Variants in RIBC2 observed in about 807,000 individuals in gnomAD.
RIBC2 encodes the protein RIB43A-like with coiled-coils protein 2.
In RIBC2, 40 loss-of-function variants were observed where a neutral mutation model predicts 44.3. That is an observed-to-expected ratio of 0.90 (90% CI 0.70 to 1.18). RIBC2 has a LOEUF of 1.18. Among genes scored for constraint, RIBC2 ranks in the 50% most tolerant of loss-of-function variants. RIBC2 has a pLI of 0.00. For missense variants in RIBC2, 459 were observed against 485.5 expected, an observed-to-expected ratio of 0.95 and a Z score of 0.51; for synonymous variants, 171 against 175.0, an observed-to-expected ratio of 0.98 and a Z score of 0.18.
rs767452541 is a variant in RIBC2, at chr22:45,426,131, G to GAGCAGATCCGCCTAGTCCAGAAGC, written c.864_887dup (p.Arg290_Ile297dup). On this transcript the variant is annotated inframe_insertion, in exon 5 of 7. Coordinates refer to ENST00000614167, the MANE Select transcript of RIBC2 (RefSeq NM_015653.5). ...GAAGGGCATGACCCAGGAGCAGCTG[G>GAGCAGATCCGCCTAGTCCAGAAGC]AGCAGATCCGCCTAGTCCAGAAGCA... 2 of 1,613,822 alleles carry GAGCAGATCCGCCTAGTCCAGAAGC rather than the reference G, an allele frequency of 1.2e-6. No individual in the cohort carries two copies. The highest frequency in any genetic ancestry group is 1.7e-6 in the Non-Finnish European group (2 of 1,180,034).
At chr22:45,420,148 C>G (rs1363863184) in intron 3 of RIBC2, among the ~76,000 whole-genome samples, 1 of 152,190 alleles carries the variant, frequency 6.6e-6, no homozygotes, top group African/African-American at 2.4e-5. Context: ...ACAGTCTGGC[C>G]TTATCTCCTG....
rs2087529449 is a variant in RIBC2 at position 45,425,961 on chromosome 22, T to C, written c.689T>C (p.Val230Ala). The C allele has an allele frequency of 1.2e-6, 2 of 1,613,124 alleles. No individual in the cohort carries two copies. The highest frequency in any genetic ancestry group is 1.7e-6 in the Non-Finnish European group (2 of 1,179,722). Residue 230 changes from valine to alanine, a missense_variant, in exon 5 of 7, where the codon GTG (valine) becomes GCG (alanine). Transcript: ENST00000614167. ...TCACCTGCTTAGGCCATCGAGTCAG[T>C]GGAAAGGAAAAAGCAAGAGAAAAAG... ...DFNKSQAIESVERKKQEKKQE... is the reference protein window; with the variant it reads ...DFNKSQAIESAERKKQEKKQE...
intron 4 of RIBC2, among the ~76,000 whole-genome samples, chr22:45,424,634 C>G (rs551582484): frequency 6.6e-6 from 1 of 152,296 alleles, no homozygotes; most frequent in East Asian, 1.9e-4. Context: ...GAGCCCAGGT[C>G]CTGGGATGGA....
chr22:45,416,997 G>A (rs375009110), intron 2 of RIBC2, among the ~76,000 whole-genome samples: 1 of 150,936 alleles, frequency 6.6e-6, no homozygotes, highest in African/African-American at 2.4e-5. Context: ...TGCCTCCTGG[G>A]TTCAAGCGAT....
chr22:45,418,039 T>TG, intron 3 of RIBC2, 93 bp downstream of exon 3: 9 of 957,526 alleles, frequency 9.4e-6, no homozygotes, highest in Admixed American at 3.0e-5. Context: ...CCTACAGTTT[T>TG]TTTTTTTTTT....
In RIBC2 at chr22:45,426,092, G is replaced by A. The variant is rs750595188; in HGVS notation, c.820G>A (p.Val274Ile). ...AASSFGPHRV[V>I]PDRWKGMTQE... ...CAGCTCCTTCGGGCCCCACCGCGTG[G>A]TCCCTGACCGCTGGAAGGGCATGAC... Residue 274 changes from valine to isoleucine, a missense_variant, in exon 5 of 7, where the codon GTC (valine) becomes ATC (isoleucine). Transcript: ENST00000614167. The A allele has an allele frequency of 1.2e-5, 20 of 1,613,908 alleles. No homozygotes were observed. In the Admixed American group the frequency reaches 3.3e-4, roughly 27 times the overall value.
intron 3 of RIBC2, among the ~76,000 whole-genome samples, chr22:45,421,568 A>T (rs371851055): frequency 0.011 from 809 of 71,878 alleles, 29 homozygotes; most frequent in African/African-American, 0.064. Flanking sequence ...AGTATTATTA[A>T]TAATAGTATT....
At chr22:45,423,690 G>C (rs995800593) in intron 4 of RIBC2, among the ~76,000 whole-genome samples, 5 of 152,158 alleles carry the variant, frequency 3.3e-5, no homozygotes, top group African/African-American at 1.2e-4. Flanking sequence ...GGAATGAGGA[G>C]AGCCAACTGC....
intron 4 of RIBC2, among the ~76,000 whole-genome samples, chr22:45,425,144 C>CA (rs969665205): frequency 6.5e-4 from 97 of 149,836 alleles, no homozygotes; most frequent in African/African-American, 1.5e-3. Flanking sequence ...AACAAACAAA[C>CA]AAAAAAAAAC....
intron 2 of RIBC2, among the ~76,000 whole-genome samples, chr22:45,416,367 A>G (rs1361257191): frequency 6.6e-6 from 1 of 152,060 alleles, no homozygotes; most frequent in Non-Finnish European, 1.5e-5. Flanking sequence ...AGTGGAATTG[A>G]TGGATCAAAG....
rs2142661 is a variant in RIBC2 at position 45,426,029 on chromosome 22, C to A, written c.757C>A (p.Arg253Ser). ...DNLAEITNLLRGDLLSENPQQ... is the reference protein window; with the variant it reads ...DNLAEITNLLSGDLLSENPQQ... ...CTTGGCCGAGATCACCAACCTCCTG[C>A]GTGGGGACCTGCTCTCCGAGAACCC... The change falls in exon 5 of 7, where the codon CGT becomes AGT. Residue 253 changes from arginine to serine, a missense_variant. Arg to Ser is a moderately radical substitution (Grantham distance 110, BLOSUM62 -1). Coordinates refer to ENST00000614167, the MANE Select transcript of RIBC2 (RefSeq NM_015653.5). The A allele has an allele frequency of 5.6e-6, 9 of 1,613,810 alleles. No individual in the cohort carries two copies. The highest frequency in any genetic ancestry group is 1.3e-5 in the African/African-American group (1 of 74,928).
chr22:45,422,299 A>G lies in RIBC2; in HGVS notation c.566A>G (p.Tyr189Cys). Residue 189 changes from tyrosine (Y) to cysteine (C), a missense_variant, in exon 4 of 7, where the codon TAC becomes TGC. Coordinates refer to ENST00000614167, the MANE Select transcript of RIBC2 (RefSeq NM_015653.5). ...TCTTGCCTCCTTTCAGAGGCCCTCT[A>G]CACAGAGACAAGGCTGCAGTTTGAC... ...RAEQKCAEAL[Y>C]TETRLQFDET... is the part of the protein sequence containing the mutation. 3 of 1,613,920 alleles carry G rather than the reference A, an allele frequency of 1.9e-6. No individual in the cohort carries two copies. The highest frequency in any genetic ancestry group is 2.2e-5 in the East Asian group (1 of 44,884).
chr22:45,421,550 ATAATAATAGTATTAT>A (rs1244783989), intron 3 of RIBC2, among the ~76,000 whole-genome samples: 58 of 31,224 alleles, frequency 1.9e-3, no homozygotes, highest in African/African-American at 5.5e-3. Context: ...AATATTAATA[ATAATAATAGTATTAT>A]TAATAATAGT....
rs2087531165 is a variant in RIBC2 at position 45,426,057 on chromosome 22, A to G, written c.785A>G (p.Gln262Arg). The G allele has an allele frequency of 1.9e-6, 3 of 1,614,022 alleles. No homozygotes were observed. Among genetic ancestry groups the G allele is most frequent in the African/African-American group, 2.7e-5 (2 of 75,046 alleles). ...GGGGACCTGCTCTCCGAGAACCCGC[A>G]GCAGGCAGCCAGCTCCTTCGGGCCC... is the stretch of plus-strand genomic sequence containing the variant. The part of the protein sequence containing the change: ...LRGDLLSENP[Q>R]QAASSFGPHR... The change falls in exon 5 of 7, where the codon CAG (glutamine) becomes CGG (arginine). Residue 262 changes from glutamine to arginine, a missense_variant. By Grantham distance (43) the Gln-to-Arg change is conservative. Coordinates refer to ENST00000614167, the MANE Select transcript of RIBC2 (RefSeq NM_015653.5).
chr22:45,426,831 C>T (rs1028907278), intron 5 of RIBC2, among the ~76,000 whole-genome samples: 4 of 152,056 alleles, frequency 2.6e-5, no homozygotes, highest in African/African-American at 7.2e-5. Context: ...GCTGGGACCA[C>T]GGGGCAGGCA....
intron 5 of RIBC2, among the ~76,000 whole-genome samples, chr22:45,427,167 C>G (rs556246530): frequency 6.6e-6 from 1 of 152,304 alleles, no homozygotes; most frequent in East Asian, 1.9e-4. Flanking sequence ...GCATCTTAAA[C>G]AAAATAGAAC....
At chr22:45,425,370 C>G (rs975391397) in intron 4 of RIBC2, among the ~76,000 whole-genome samples, 2 of 152,184 alleles carry the variant, frequency 1.3e-5, no homozygotes, top group Non-Finnish European at 2.9e-5. Flanking sequence ...GTCTCCTAAG[C>G]CATCTCCTGA....
Position 45,421,550 on chromosome 22 carries a change from A to ATAGTATTATTAT in RIBC2, c.557-738_557-737insGTATTATTATTA, listed in dbSNP as rs2087482353. ...AATAGTATTATTAATAATATTAATA[A>ATAGTATTATTAT]TAATAATAGTATTATTAATAATAGT... On this transcript the variant is annotated intron_variant, in intron 3 of 6. Transcript: ENST00000614167. Among the ~76,000 whole-genome samples the ATAGTATTATTAT allele has an allele frequency of 1.3e-4, 4 of 31,244 alleles. 1 individual carries two copies. The African/African-American group carries it at 2.2e-3, about 17-fold the overall frequency. The allele number at this position is 31,244 out of a possible 152,430, so 20.5% of individuals were successfully genotyped here.
intron 5 of RIBC2, among the ~76,000 whole-genome samples, chr22:45,429,185 C>T (rs78725621): frequency 2.6e-4 from 40 of 152,272 alleles, no homozygotes; most frequent in African/African-American, 8.2e-4. Context: ...CCCACAGCAT[C>T]GGCCGGGTGG....
Sources: gnomAD v4.1 joint callset for allele counts (sites outside exome capture counted in the v4.1 genomes callset) on GRCh38, gnomAD v4.1.1 for gene constraint, MANE v1.5 for transcripts, NCBI Gene and HGNC (gene_info 2026-07-23, HGNC 2026-07-21) for gene names.